Variants in SDK1 observed in about 807,000 individuals in gnomAD.
SDK1 encodes protein sidekick-1.
Under a neutral mutation model 245.5 loss-of-function variants are expected in SDK1, and 157 were observed. The observed-to-expected ratio is 0.64, with a 90% CI of 0.56 to 0.73. The LOEUF (loss-of-function observed/expected upper bound fraction) is 0.73, where lower values mean the gene tolerates loss of function less well. Among genes scored for constraint, SDK1 ranks in the 30% least tolerant of loss-of-function variants. SDK1 has a pLI of 0.00. For synonymous variants in SDK1, 1,647 were observed against 1,278.5 expected (o/e 1.29, Z -6.15); for missense variants, 3,583 against 3,002.3 (o/e 1.19, Z -4.52).
At chr7:3,900,814 G>A (rs772510744) in intron 5 of SDK1, among the ~76,000 whole-genome samples, 1 of 151,928 alleles carries the variant, frequency 6.6e-6, no homozygotes, top group Non-Finnish European at 1.5e-5. Flanking sequence ...ATTTGTTGCA[G>A]ACATTCCTCC....
chr7:4,221,806 T>G (rs1785167552), intron 40 of SDK1, among the ~76,000 whole-genome samples: 1 of 152,256 alleles, frequency 6.6e-6, no homozygotes, highest in Admixed American at 6.5e-5. Context: ...ACACATCGTT[T>G]GCTTCATTTT....
chr7:4,018,860 C>T (rs1197648441), intron 17 of SDK1, among the ~76,000 whole-genome samples: 5 of 151,934 alleles, frequency 3.3e-5, no homozygotes, highest in South Asian at 4.2e-4. Flanking sequence ...ATGTAGGAGG[C>T]GGGGAGCAGA....
chr7:3,384,828 G>T (rs1015589754), intron 1 of SDK1, among the ~76,000 whole-genome samples: 9 of 152,166 alleles, frequency 5.9e-5, no homozygotes, highest in African/African-American at 2.2e-4. Context: ...ATATATGTAT[G>T]CTTGTATTTT....
chr7:3,316,626 T>G (rs1321571710), intron 1 of SDK1, among the ~76,000 whole-genome samples: 1 of 152,226 alleles, frequency 6.6e-6, no homozygotes, highest in African/African-American at 2.4e-5. Context: ...ATCACAGAAA[T>G]GTGCCACTTT....
chr7:3,518,276 A>T (rs962328641), intron 1 of SDK1, among the ~76,000 whole-genome samples: 4 of 152,086 alleles, frequency 2.6e-5, no homozygotes, highest in African/African-American at 7.2e-5. Context: ...CAGGACATTG[A>T]TCTGGGAAAT....
chr7:3,689,476 G>C lies in SDK1; in HGVS notation c.713+47371G>C, dbSNP rs151263188. Among the ~76,000 whole-genome samples the C allele has an allele frequency of 4.3e-3, 653 of 152,310 alleles. 5 individuals carry two copies. Among genetic ancestry groups the C allele is most frequent in the African/African-American group, 0.015 (608 of 41,566 alleles). Reference sequence around the variant, plus strand: ...CTGCATTCTTGACAGACATTATCAAGTTCTTGTACTGGCTCTGGATTCCCT... The same window carrying C: ...CTGCATTCTTGACAGACATTATCAACTTCTTGTACTGGCTCTGGATTCCCT... On this transcript the variant is annotated intron_variant, in intron 4 of 44. Coordinates refer to ENST00000404826, the MANE Select transcript of SDK1 (RefSeq NM_152744.4).
At position 3,567,038 on chromosome 7, in the gene SDK1, T is replaced by G. The variant is rs758775974; in HGVS notation, c.299-52042T>G. On this transcript the variant is annotated intron_variant, in intron 1 of 44. Transcript: ENST00000404826. ...AGGCCCAGAAATACTGATCCCACATTTATTTTCCCGGGTACGCATCCTAGG... is the reference window on the plus strand; with the variant it reads ...AGGCCCAGAAATACTGATCCCACATGTATTTTCCCGGGTACGCATCCTAGG... Among the ~76,000 whole-genome samples, 5 of 152,182 alleles carry G rather than the reference T, an allele frequency of 3.3e-5. No individual in the cohort carries two copies. The South Asian group carries it at 6.2e-4, about 19-fold the overall frequency.
intron 22 of SDK1, among the ~76,000 whole-genome samples, chr7:4,102,383 G>C (rs914330047): frequency 6.6e-5 from 10 of 152,184 alleles, no homozygotes; most frequent in African/African-American, 2.4e-4. Flanking sequence ...TTTTCCTGCT[G>C]ACACCAGAGT....
intron 1 of SDK1, among the ~76,000 whole-genome samples, chr7:3,352,342 G>C (rs757785168): frequency 1.3e-5 from 2 of 152,020 alleles, no homozygotes; most frequent in African/African-American, 2.4e-5. Context: ...TAGGAGGCTA[G>C]TGATCATGTA....
At chr7:3,347,892 G>GT (rs10598226) in intron 1 of SDK1, among the ~76,000 whole-genome samples, 143 of 149,428 alleles carry the variant, frequency 9.6e-4, no homozygotes, top group South Asian at 4.7e-3. Context: ...CATTAAATAT[G>GT]TTTTTTTTTT....
At chr7:3,776,480 C>G (rs1211525009) in intron 4 of SDK1, among the ~76,000 whole-genome samples, 1 of 152,114 alleles carries the variant, frequency 6.6e-6, no homozygotes, top group Non-Finnish European at 1.5e-5. Context: ...TATTATGAAC[C>G]CGATCAGATC....
At chr7:4,168,613 A>G (rs1781642551) in intron 32 of SDK1, among the ~76,000 whole-genome samples, 1 of 152,162 alleles carries the variant, frequency 6.6e-6, no homozygotes, top group Admixed American at 6.5e-5. Flanking sequence ...CTCCTCCCCC[A>G]GAAGTAAATT....
At chr7:4,141,522 A>G (rs1584271516) in intron 28 of SDK1, among the ~76,000 whole-genome samples, 1 of 152,360 alleles carries the variant, frequency 6.6e-6, no homozygotes, top group East Asian at 1.9e-4. Flanking sequence ...ATTAATTCAG[A>G]CATAGTCACT....
chr7:3,587,229 G>C (rs901184779), intron 1 of SDK1, among the ~76,000 whole-genome samples: 1 of 152,206 alleles, frequency 6.6e-6, no homozygotes, highest in Non-Finnish European at 1.5e-5. Context: ...TTGAGGGTCA[G>C]AGGGGATTTA....
intron 1 of SDK1, among the ~76,000 whole-genome samples, chr7:3,503,137 A>G (rs1175721801): frequency 6.6e-6 from 1 of 152,160 alleles, no homozygotes; most frequent in African/African-American, 2.4e-5. Context: ...CTCCTCTGCA[A>G]ATGGCAAGGG....
rs1207162743 is a variant in SDK1, at chr7:4,266,951, C to T, written c.*1567C>T. The stretch of plus-strand genomic sequence containing the variant: ...CAACTGAGCAGTATCTGACCAGTGC[C>T]ACCCAGGAGCCAGTCTCCTGGCCAC... On this transcript the variant is annotated 3_prime_UTR_variant, in exon 45 of 45. Transcript: ENST00000404826. The T allele has an allele frequency of 1.0e-6, 1 of 985,366 alleles. No individual in the cohort carries two copies. The highest frequency in any genetic ancestry group is 1.7e-5 in the African/African-American group (1 of 57,256). The allele number at this position is 985,366 out of a possible 1,614,324, so 61.0% of individuals were successfully genotyped here. A position where few individuals can be genotyped will look rare whatever the true frequency, so the allele number is the denominator to read the frequency against.
chr7:3,303,270 G>C (rs957795257), intron 1 of SDK1, among the ~76,000 whole-genome samples: 1 of 152,162 alleles, frequency 6.6e-6, no homozygotes. Context: ...GAGCAACCAG[G>C]TTCAAGTGAA....
At chr7:3,438,242 T>A (rs1780087191) in intron 1 of SDK1, among the ~76,000 whole-genome samples, 1 of 152,240 alleles carries the variant, frequency 6.6e-6, no homozygotes, top group Admixed American at 6.5e-5. Context: ...TATTTTATAT[T>A]CCCAATGAAT....
chr7:3,667,105 G>C (rs1783558530), intron 4 of SDK1, among the ~76,000 whole-genome samples: 1 of 152,140 alleles, frequency 6.6e-6, no homozygotes, highest in Admixed American at 6.5e-5. Context: ...CCAATGAATT[G>C]TGACATATTG....
Sources: allele counts gnomAD v4.1 joint callset (sites outside exome capture counted in the v4.1 genomes callset), GRCh38; gene constraint gnomAD v4.1.1; transcripts MANE v1.5; gene names NCBI Gene and HGNC (gene_info 2026-07-23, HGNC 2026-07-21).